MASTL: variants seen among roughly 807,000 people sequenced by gnomAD.
MASTL encodes microtubule associated serine/threonine kinase like.
In MASTL, 54 loss-of-function variants were observed where a neutral mutation model predicts 82.5. That is an observed-to-expected ratio of 0.65 (90% confidence interval 0.53 to 0.82). The LOEUF (loss-of-function observed/expected upper bound fraction) is 0.82, where lower values mean the gene tolerates loss of function less well. Among genes scored for constraint, MASTL ranks in the 40% least tolerant of loss-of-function variants. The probability of loss-of-function intolerance (pLI) is 0.00; values close to 1 mark genes in which losing one functional copy is unlikely to be tolerated. For missense variants in MASTL, 950 were observed against 1,047.8 expected, an observed-to-expected ratio of 0.91 and a Z score of 1.29; for synonymous variants, 323 against 368.9, an observed-to-expected ratio of 0.88 and a Z score of 1.43.
At chr10:27,157,549 G>T (rs904174777) in intron 1 of MASTL, among the ~76,000 whole-genome samples, 13 of 152,200 alleles carry the variant, frequency 8.5e-5, no homozygotes, top group African/African-American at 3.1e-4. Flanking sequence ...ATCTTTGAAA[G>T]AAATATGCCT....
intron 6 of MASTL, 151 bp downstream of exon 6, chr10:27,165,690 A>G (rs1365769862): frequency 9.4e-6 from 8 of 849,464 alleles, no homozygotes; most frequent in Non-Finnish European, 1.3e-5. Context: ...TCGGCGGCTC[A>G]CTGCAACCCA....
In MASTL at chr10:27,155,447, CAAG is replaced by C. The variant is rs746637495; in HGVS notation, c.25_27del (p.Lys9del). The stretch of plus-strand genomic sequence containing the variant: ...CAGCGATGGATCCCACCGCGGGAAG[CAAG>C]AAGGAGCCTGGAGGAGGCGCGGCGA... On this transcript the variant is annotated inframe_deletion, in exon 1 of 12. Coordinates refer to ENST00000375940, the MANE Select transcript of MASTL (RefSeq NM_001172303.3). The C allele has an allele frequency of 3.7e-6, 6 of 1,611,930 alleles. No homozygotes were observed. The highest frequency in any genetic ancestry group is 3.4e-6 in the Non-Finnish European group (4 of 1,179,408).
At chr10:27,154,571 C>CT, upstream of MASTL, 1 of 370,280 alleles carries the variant, frequency 2.7e-6, no homozygotes, top group Non-Finnish European at 4.8e-6. Context: ...ACTTTTTCTT[C>CT]GTTTTTTTTT....
Position 27,155,483 on chromosome 10 carries a change from G to A in MASTL, c.57G>A (p.Glu19=). 6.2e-7 allele frequency: 1 copy of A among 1,614,056 alleles called. No individual in the cohort carries two copies. Among genetic ancestry groups the A allele is most frequent in the Non-Finnish European group, 8.5e-7 (1 of 1,179,978 alleles). Reference sequence around the variant, plus strand: ...CTGGAGGAGGCGCGGCGACTGAGGAGGGCGTGAATAGGATCGCAGTGCCAA... The same window carrying A: ...CTGGAGGAGGCGCGGCGACTGAGGAAGGCGTGAATAGGATCGCAGTGCCAA... ...KEPGGGAATE[E]GVNRIAVPKP... The change falls in exon 1 of 12, where the codon GAG becomes GAA. Residue 19 remains glutamate, a synonymous_variant. Coordinates refer to ENST00000375940, the MANE Select transcript of MASTL (RefSeq NM_001172303.3).
At chr10:27,174,979 G>A (rs2058058917) in intron 9 of MASTL, among the ~76,000 whole-genome samples, 1 of 151,424 alleles carries the variant, frequency 6.6e-6, no homozygotes, top group African/African-American at 2.4e-5. Context: ...ATGATCATCT[G>A]TTTCATCCTC....
chr10:27,183,370 G>A (rs1013737642), intron 11 of MASTL, among the ~76,000 whole-genome samples: 1 of 151,286 alleles, frequency 6.6e-6, no homozygotes, highest in Non-Finnish European at 1.5e-5. Flanking sequence ...TGCAACCTCC[G>A]CCTCCCAGGT....
intron 9 of MASTL, among the ~76,000 whole-genome samples, chr10:27,180,277 C>T (rs1315836511): frequency 3.9e-5 from 6 of 152,234 alleles, no homozygotes; most frequent in African/African-American, 7.2e-5. Context: ...GATCACAAGG[C>T]GACAAGGGCT....
intron 3 of MASTL, 135 bp from the exon 4 acceptor site, chr10:27,160,959 A>G: frequency 1.5e-6 from 1 of 671,222 alleles, no homozygotes; most frequent in Non-Finnish European, 2.7e-6. Context: ...GTACTTTTCA[A>G]AGCCATCAAT....
Position 27,167,207 on chromosome 10 carries a change from C to T in MASTL, c.917C>T (p.Ser306Phe), listed in dbSNP as rs1320643927. 1 of 1,613,878 alleles carries T rather than the reference C, an allele frequency of 6.2e-7. No homozygotes were observed. The highest frequency in any genetic ancestry group is 8.5e-7 in the Non-Finnish European group (1 of 1,179,894). The stretch of plus-strand genomic sequence containing the variant: ...GCCACATCCAGTGCCAGTAGTCAAT[C>T]CCACACCTTCATATCCAGTGTGGAA... ...RLATSSASSQSHTFISSVESE... is the reference protein window; with the variant it reads ...RLATSSASSQFHTFISSVESE... The change falls in exon 7 of 12, where the codon TCC becomes TTC. Residue 306 changes from serine to phenylalanine, a missense_variant. Coordinates refer to ENST00000375940, the MANE Select transcript of MASTL (RefSeq NM_001172303.3).
rs773696236 is a variant in MASTL, at chr10:27,173,161, C to T, written c.2168C>T (p.Pro723Leu). The change falls in exon 9 of 12, where the codon CCG (proline) becomes CTG (leucine). Residue 723 changes from proline to leucine, a missense_variant. Pro to Leu is a moderately conservative substitution (Grantham distance 98). Transcript: ENST00000375940. The stretch of plus-strand genomic sequence containing the variant: ...AAGTCGGGAACTCCATACCGAACTC[C>T]GAAGAGTGTGAGAAGAGGGGTGGCC... ...QIKSGTPYRT[P>L]KSVRRGVAPV... 14 of 1,613,986 alleles carry T rather than the reference C, an allele frequency of 8.7e-6. No individual in the cohort carries two copies. The South Asian group carries it at 8.8e-5, about 10-fold the overall frequency.
At chr10:27,166,444 G>T (rs1023312228) in intron 6 of MASTL, among the ~76,000 whole-genome samples, 1 of 152,074 alleles carries the variant, frequency 6.6e-6, no homozygotes, top group Non-Finnish European at 1.5e-5. Context: ...TCAGGAATGG[G>T]TTCAAATTGG....
chr10:27,184,979 T>C (rs12414055), intron 11 of MASTL, among the ~76,000 whole-genome samples: 11,906 of 152,236 alleles, frequency 0.078, 532 homozygotes, highest in South Asian at 0.16. Context: ...CTCAGTGATA[T>C]AGAGCTTCCA....
intron 9 of MASTL, among the ~76,000 whole-genome samples, chr10:27,178,248 T>A (rs1372639011): frequency 2.0e-5 from 3 of 151,926 alleles, no homozygotes; most frequent in Non-Finnish European, 4.4e-5. Flanking sequence ...GGATAAAAAT[T>A]AGCTGGGTGT....
chr10:27,160,875 T>C (rs894871643), intron 3 of MASTL, among the ~76,000 whole-genome samples: 3 of 152,230 alleles, frequency 2.0e-5, no homozygotes, highest in African/African-American at 7.2e-5. Flanking sequence ...AAAGATAATC[T>C]AGTATTAATT....
chr10:27,155,736 C>T (rs1402376603), intron 1 of MASTL, 124 bp downstream of exon 1: 2 of 1,049,738 alleles, frequency 1.9e-6, no homozygotes, highest in Non-Finnish European at 2.9e-6. Context: ...TTGCTGAAGC[C>T]TCCAGAGCCC....
At chr10:27,185,294 G>C (rs561054092) in intron 11 of MASTL, among the ~76,000 whole-genome samples, 42 of 152,122 alleles carry the variant, frequency 2.8e-4, no homozygotes, top group Non-Finnish European at 5.4e-4. Flanking sequence ...TCAAGGAGCA[G>C]AAAGTAGGCC....
At chr10:27,178,041 A>C (rs7079792) in intron 9 of MASTL, among the ~76,000 whole-genome samples, 91,733 of 152,072 alleles carry the variant, frequency 0.6, 27,982 homozygotes, top group Non-Finnish European at 0.65. Context: ...TTTTAAAGGT[A>C]GCACAGAGTG....
chr10:27,160,188 T>G (rs1452334986), intron 3 of MASTL, among the ~76,000 whole-genome samples: 1 of 128,216 alleles, frequency 7.8e-6, no homozygotes, highest in Non-Finnish European at 1.7e-5. Flanking sequence ...TTTTTTTTTT[T>G]GTAGAGACAA....
At chr10:27,184,611 A>G (rs1399248926) in intron 11 of MASTL, among the ~76,000 whole-genome samples, 2 of 116,322 alleles carry the variant, frequency 1.7e-5, no homozygotes, top group Non-Finnish European at 3.2e-5. Context: ...CCCAGGCTGG[A>G]GTGCAGTGGC....
Sources: allele counts gnomAD v4.1 joint callset (sites outside exome capture counted in the v4.1 genomes callset), GRCh38; gene constraint gnomAD v4.1.1; transcripts MANE v1.5; gene names NCBI Gene and HGNC (gene_info 2026-07-23, HGNC 2026-07-21).